Variants in ZNF808 observed in about 807,000 individuals in gnomAD.
ZNF808 encodes the protein zinc finger protein 808.
In ZNF808, 5 loss-of-function variants were observed where a neutral mutation model predicts 8.7. That is an observed-to-expected ratio of 0.58 (90% CI 0.30 to 1.21). The LOEUF is 1.21. Among genes scored for constraint, ZNF808 ranks in the 50% most tolerant of loss-of-function variants. The pLI, the probability that ZNF808 is intolerant of heterozygous loss-of-function variation, is 0.07. For missense variants in ZNF808, 1,103 were observed against 1,098.4 expected, an observed-to-expected ratio of 1.00 and a Z score of -0.06; for synonymous variants, 380 against 366.0, an observed-to-expected ratio of 1.04 and a Z score of -0.44.
At position 52,554,533 on chromosome 19, in the gene ZNF808, C is replaced by A; in HGVS notation, c.1617C>A (p.Tyr539Ter). The change falls in exon 5 of 5, where the codon TAC (tyrosine) becomes TAA (stop). Residue 539 changes from tyrosine to a stop codon, truncating the protein, a stop_gained. Transcript: ENST00000359798. LOFTEE classifies it low-confidence loss of function (END_TRUNC). Reference sequence around the variant, plus strand: ...GACTTCACACTCTAGAGAAATCTTACAAATGTACGGTTTGTAACAAGGTTT... The same window carrying A: ...GACTTCACACTCTAGAGAAATCTTAAAAATGTACGGTTTGTAACAAGGTTT... The part of the protein sequence containing the change: ...HRRLHTLEKS[Y>*]KCTVCNKVFM... The A allele has an allele frequency of 6.2e-7, 1 of 1,614,106 alleles. No individual in the cohort carries two copies. The highest frequency in any genetic ancestry group is 8.5e-7 in the Non-Finnish European group (1 of 1,179,996).
rs2059831033 is a variant in ZNF808 at position 52,555,773 on chromosome 19, C to T, written c.*145C>T. On this transcript the variant is annotated 3_prime_UTR_variant, in exon 5 of 5. Coordinates refer to ENST00000359798, the MANE Select transcript of ZNF808 (RefSeq NM_001039886.4). ...ATACATTGCAGTTCATTGGCAACCT[C>T]ATACTGGAGAGAAACCTTACAAATG... The T allele has an allele frequency of 8.3e-7, 1 of 1,209,130 alleles. No homozygotes were observed. The highest frequency in any genetic ancestry group is 1.5e-5 in the African/African-American group (1 of 66,598). The allele number at this position is 1,209,130 out of a possible 1,614,324, so 74.9% of individuals were successfully genotyped here.
downstream of ZNF808, among the ~76,000 whole-genome samples, chr19:52,559,987 G>C (rs971346771): frequency 6.6e-6 from 1 of 152,172 alleles, no homozygotes; most frequent in African/African-American, 2.4e-5. Flanking sequence ...ATTTTTTATA[G>C]TTGTTATGAT....
chr19:52,552,532 C>G (rs188663842), intron 4 of ZNF808, among the ~76,000 whole-genome samples: 2 of 151,796 alleles, frequency 1.3e-5, no homozygotes, highest in African/African-American at 4.8e-5. Flanking sequence ...TGTGCCTCAG[C>G]CTCCTAAGTA....
chr19:52,532,416 C>A (rs966459443), intron 1 of ZNF808, among the ~76,000 whole-genome samples: 5 of 152,064 alleles, frequency 3.3e-5, no homozygotes, highest in African/African-American at 1.2e-4. Context: ...TTCTTATCTT[C>A]TCTGTGCTAC....
At chr19:52,557,357 C>T (rs574856125), downstream of ZNF808, among the ~76,000 whole-genome samples, 17 of 151,786 alleles carry the variant, frequency 1.1e-4, no homozygotes, top group Non-Finnish European at 2.1e-4. Flanking sequence ...ACGTCTGCCT[C>T]CCGGGTTCAA....
chr19:52,529,118 G>T (rs1470672304), intron 1 of ZNF808, among the ~76,000 whole-genome samples: 1 of 151,830 alleles, frequency 6.6e-6, no homozygotes, highest in African/African-American at 2.4e-5. Context: ...GCTCACGCCT[G>T]TAGTCTCCAC....
chr19:52,539,455 C>T (rs1288748775), intron 2 of ZNF808, among the ~76,000 whole-genome samples: 1 of 150,984 alleles, frequency 6.6e-6, no homozygotes, highest in East Asian at 1.9e-4. Flanking sequence ...TCCCAAAGTG[C>T]TATGATTACA....
At chr19:52,543,707 A>G (rs951329949) in intron 3 of ZNF808, among the ~76,000 whole-genome samples, 24 of 152,230 alleles carry the variant, frequency 1.6e-4, no homozygotes, top group Non-Finnish European at 2.9e-4. Flanking sequence ...GAGAAACTAC[A>G]TATGAAATAC....
chr19:52,535,330 CAAAAAAAAAAAA>C (rs560559835), intron 2 of ZNF808, among the ~76,000 whole-genome samples: 3 of 70,138 alleles, frequency 4.3e-5, no homozygotes, highest in South Asian at 5.1e-4. Context: ...GACTCCGTCT[CAAAAAAAAAAAA>C]AAAAAAAAAA....
chr19:52,560,242 C>T (rs917156262), downstream of ZNF808, among the ~76,000 whole-genome samples: 1 of 151,708 alleles, frequency 6.6e-6, no homozygotes, highest in Non-Finnish European at 1.5e-5. Flanking sequence ...AAGAGAATTG[C>T]TTGAACCTGG....
intron 2 of ZNF808, among the ~76,000 whole-genome samples, chr19:52,533,843 CAAAAA>C (rs919374020): frequency 3.3e-5 from 1 of 30,760 alleles, no homozygotes. Flanking sequence ...ACTCCGTCTC[CAAAAA>C]AAAAAAAAAA....
At chr19:52,545,872 C>T (rs115098941) in intron 3 of ZNF808, among the ~76,000 whole-genome samples, 1,898 of 152,030 alleles carry the variant, frequency 0.012, 39 homozygotes, top group African/African-American at 0.043. Flanking sequence ...GTGTTCTTAC[C>T]CTGGGACCTT....
intron 3 of ZNF808, among the ~76,000 whole-genome samples, chr19:52,546,670 A>C (rs2059723911): frequency 9.7e-6 from 1 of 102,796 alleles, no homozygotes; most frequent in Non-Finnish European, 1.8e-5. Flanking sequence ...TTTGAGATGG[A>C]ATCTTGCTCT....
rs116817685 is a variant in ZNF808 at position 52,540,090 on chromosome 19, C to G, written c.-19-3176C>G. Among the ~76,000 whole-genome samples, 1,478 of 152,224 alleles carry G rather than the reference C, an allele frequency of 9.7e-3. 19 individuals are homozygous for G. The highest frequency in any genetic ancestry group is 0.028 in the African/African-American group (1,183 of 41,516). ...CTAGTGGCACGACCTCGTCTCACTG[C>G]AAACTCCGCCTCCTGGGGTCAAGCG... On this transcript the variant is annotated intron_variant, in intron 2 of 4. Transcript: ENST00000359798.
downstream of ZNF808, among the ~76,000 whole-genome samples, chr19:52,566,686 G>C (rs907045405): frequency 1.3e-5 from 2 of 152,132 alleles, no homozygotes; most frequent in African/African-American, 4.8e-5. Flanking sequence ...TGGTGCATAA[G>C]TGGATAAACT....
At chr19:52,561,462 A>G (rs760226204) in intron 3 of ZNF808, among the ~76,000 whole-genome samples, 3 of 151,550 alleles carry the variant, frequency 2.0e-5, no homozygotes, top group Admixed American at 2.0e-4. Context: ...TTTGTCCCTC[A>G]CTTAGCGTAT....
intron 1 of ZNF808, among the ~76,000 whole-genome samples, chr19:52,531,403 AG>A (rs2123062303): frequency 6.6e-6 from 1 of 152,214 alleles, no homozygotes; most frequent in Non-Finnish European, 1.5e-5. Flanking sequence ...TGAACCTGGG[AG>A]GCAAAGGTTG....
downstream of ZNF808, among the ~76,000 whole-genome samples, chr19:52,559,327 G>A (rs2059849112): frequency 6.6e-6 from 1 of 152,152 alleles, no homozygotes; most frequent in South Asian, 2.1e-4. Flanking sequence ...GCATTGAGAT[G>A]TTTATGTATA....
At chr19:52,528,355 C>A (rs2059529751) in intron 1 of ZNF808, among the ~76,000 whole-genome samples, 1 of 152,168 alleles carries the variant, frequency 6.6e-6, no homozygotes, top group Non-Finnish European at 1.5e-5. Context: ...TACTCCAAAC[C>A]CTCCTGCGAT....
Sources: allele counts gnomAD v4.1 joint callset (sites outside exome capture counted in the v4.1 genomes callset), GRCh38; gene constraint gnomAD v4.1.1; transcripts MANE v1.5; gene names NCBI Gene and HGNC (gene_info 2026-07-23, HGNC 2026-07-21).